CNTN5: variants seen among roughly 807,000 people sequenced by gnomAD.
CNTN5 encodes the protein contactin 5, also known as contactin-5.
A neutral mutation model predicts 129.1 loss-of-function variants in CNTN5; 77 were observed. The ratio of observed to expected loss-of-function variants is 0.60; its 90% CI spans 0.50 to 0.72. The LOEUF (loss-of-function observed/expected upper bound fraction) is 0.72, where lower values mean the gene tolerates loss of function less well. Ranked by LOEUF, CNTN5 falls within the 30% of genes least tolerant of loss-of-function variation. The pLI is 0.00. For missense variants in CNTN5, 1,478 were observed against 1,328.8 expected (o/e 1.11, Z -1.75); for synonymous variants, 509 against 465.6 (o/e 1.09, Z -1.20).
chr11:99,329,868 T>C (rs1865929203), intron 2 of CNTN5, among the ~76,000 whole-genome samples: 1 of 150,100 alleles, frequency 6.7e-6, no homozygotes, highest in East Asian at 2.0e-4. Context: ...GTGCAAAAAG[T>C]TCACACAAAA....
intron 7 of CNTN5, among the ~76,000 whole-genome samples, chr11:99,935,206 A>G (rs966892535): frequency 2.0e-5 from 3 of 151,776 alleles, no homozygotes; most frequent in African/African-American, 7.3e-5. Flanking sequence ...GAAGCTAGCC[A>G]TTGTCAACCA....
chr11:99,099,455 T>C (rs1035641346), intron 1 of CNTN5, among the ~76,000 whole-genome samples: 4 of 152,038 alleles, frequency 2.6e-5, no homozygotes, highest in Non-Finnish European at 5.9e-5. Flanking sequence ...TGAACAAATT[T>C]ATAGATAATG....
At chr11:99,434,154 A>G (rs1342045046) in intron 2 of CNTN5, among the ~76,000 whole-genome samples, 1 of 152,184 alleles carries the variant, frequency 6.6e-6, no homozygotes, top group African/African-American at 2.4e-5. Context: ...CATTAAAGAA[A>G]GAAGCAAGAT....
At chr11:99,151,309 A>C (rs1860044892) in intron 1 of CNTN5, among the ~76,000 whole-genome samples, 1 of 152,038 alleles carries the variant, frequency 6.6e-6, no homozygotes, top group Non-Finnish European at 1.5e-5. Flanking sequence ...TGTGTGTGTG[A>C]TAGGGATGGA....
chr11:100,070,878 T>C (rs1418250565), intron 11 of CNTN5, among the ~76,000 whole-genome samples: 1 of 152,126 alleles, frequency 6.6e-6, no homozygotes, highest in African/African-American at 2.4e-5. Flanking sequence ...TATAAATTTT[T>C]ATGAAACTAT....
chr11:99,466,725 C>T (rs1055288267), intron 2 of CNTN5, among the ~76,000 whole-genome samples: 13 of 152,206 alleles, frequency 8.5e-5, no homozygotes, highest in Non-Finnish European at 1.5e-4. Flanking sequence ...GACTTAAGCT[C>T]CCCCTATCTA....
intron 2 of CNTN5, among the ~76,000 whole-genome samples, chr11:99,349,222 T>C (rs1252521139): frequency 6.6e-6 from 1 of 152,170 alleles, no homozygotes; most frequent in East Asian, 1.9e-4. Context: ...AGTCACAAGC[T>C]GAACAAGGGG....
intron 8 of CNTN5, among the ~76,000 whole-genome samples, chr11:99,972,488 A>G (rs910827162): frequency 6.6e-6 from 1 of 152,158 alleles, no homozygotes; most frequent in African/African-American, 2.4e-5. Flanking sequence ...AGCTGAAAGT[A>G]CTAGGAATAG....
chr11:99,126,593 T>C (rs192946166), intron 1 of CNTN5, among the ~76,000 whole-genome samples: 165 of 152,084 alleles, frequency 1.1e-3, no homozygotes, highest in African/African-American at 3.9e-3. Context: ...AAAAATGAAG[T>C]TGGGGTTGGG....
intron 6 of CNTN5, among the ~76,000 whole-genome samples, chr11:99,905,191 G>T (rs1285438549): frequency 6.6e-6 from 1 of 152,128 alleles, no homozygotes; most frequent in Non-Finnish European, 1.5e-5. Context: ...TGCTTTTGGT[G>T]TTTTAGTCAT....
chr11:99,661,029 T>C (rs1361595036), intron 3 of CNTN5, among the ~76,000 whole-genome samples: 1 of 152,118 alleles, frequency 6.6e-6, no homozygotes, highest in African/African-American at 2.4e-5. Flanking sequence ...ATGAAAATAT[T>C]GATATTTTAG....
chr11:99,487,036 G>C (rs1260984421), intron 2 of CNTN5, among the ~76,000 whole-genome samples: 2 of 152,174 alleles, frequency 1.3e-5, no homozygotes, highest in Non-Finnish European at 2.9e-5. Flanking sequence ...GCAACAACAT[G>C]GTTGGCCATA....
intron 6 of CNTN5, among the ~76,000 whole-genome samples, chr11:99,864,000 T>C (rs758128787): frequency 1.3e-5 from 2 of 152,122 alleles, no homozygotes; most frequent in Non-Finnish European, 2.9e-5. Flanking sequence ...ATAAGAAATA[T>C]ATGGGGAAAG....
intron 3 of CNTN5, among the ~76,000 whole-genome samples, chr11:99,644,624 T>C (rs1312664959): frequency 6.6e-6 from 1 of 152,168 alleles, no homozygotes; most frequent in African/African-American, 2.4e-5. Flanking sequence ...TCAGTCAAAA[T>C]TGGCCATTTA....
intron 1 of CNTN5, among the ~76,000 whole-genome samples, chr11:99,130,002 C>G (rs1190674298): frequency 6.6e-6 from 1 of 152,136 alleles, no homozygotes; most frequent in Admixed American, 6.5e-5. Flanking sequence ...CCAGCCACTA[C>G]AGAAACACAC....
intron 1 of CNTN5, among the ~76,000 whole-genome samples, chr11:99,211,494 C>A (rs1305596917): frequency 1.3e-5 from 2 of 151,806 alleles, no homozygotes; most frequent in Non-Finnish European, 2.9e-5. Flanking sequence ...ATCTAGAGAA[C>A]TTGTTATTTG....
intron 1 of CNTN5, among the ~76,000 whole-genome samples, chr11:99,087,563 A>G (rs1232395069): frequency 6.6e-6 from 1 of 152,172 alleles, no homozygotes; most frequent in East Asian, 1.9e-4. Context: ...GTTCTTTTAC[A>G]GCATTTACCA....
intron 6 of CNTN5, among the ~76,000 whole-genome samples, chr11:99,877,758 T>G (rs777298253): frequency 1.3e-5 from 2 of 152,216 alleles, no homozygotes; most frequent in African/African-American, 2.4e-5. Flanking sequence ...CATTATAGGT[T>G]TTCAATCATA....
intron 13 of CNTN5, among the ~76,000 whole-genome samples, chr11:100,150,553 T>C (rs1483415813): frequency 1.3e-5 from 2 of 151,986 alleles, no homozygotes; most frequent in African/African-American, 4.8e-5. Flanking sequence ...AAAAACTCTA[T>C]AATTTTAGTT....
Sources: gnomAD v4.1 joint callset for allele counts (sites outside exome capture counted in the v4.1 genomes callset) on GRCh38, gnomAD v4.1.1 for gene constraint, MANE v1.5 for transcripts, NCBI Gene and HGNC (gene_info 2026-07-23, HGNC 2026-07-21) for gene names.